VWA3B: variants seen among roughly 807,000 people sequenced by gnomAD.
VWA3B encodes the protein von Willebrand factor A domain-containing protein 3B.
Under a neutral mutation model 158.3 loss-of-function variants are expected in VWA3B, and 138 were observed. That is an observed-to-expected ratio of 0.87 (90% CI 0.76 to 1.00). The LOEUF (loss-of-function observed/expected upper bound fraction) is 1.00, where lower values mean the gene tolerates loss of function less well. Among genes scored for constraint, VWA3B ranks in the 50% least tolerant of loss-of-function variants. The pLI, the probability that VWA3B is intolerant of heterozygous loss-of-function variation, is 0.00. For missense variants in VWA3B, 1,555 were observed against 1,565.1 expected (o/e 0.99, Z 0.11); for synonymous variants, 596 against 587.3 (o/e 1.01, Z -0.21).
At chr2:98,200,814 T>C (rs903745325) in intron 12 of VWA3B, among the ~76,000 whole-genome samples, 1 of 152,240 alleles carries the variant, frequency 6.6e-6, no homozygotes, top group African/African-American at 2.4e-5. Context: ...CATTCTGTGT[T>C]TAAGAATAGG....
At chr2:98,329,142 A>T in the VWA3B span, among the ~76,000 whole-genome samples, 1 of 152,250 alleles carries the variant, frequency 6.6e-6, no homozygotes, top group African/African-American at 2.4e-5. Flanking sequence ...TATGGGGAAA[A>T]AATGACCATA....
intron 14 of VWA3B, among the ~76,000 whole-genome samples, chr2:98,225,610 A>G (rs975225170): frequency 2.0e-5 from 3 of 152,290 alleles, no homozygotes; most frequent in Admixed American, 2.0e-4. Flanking sequence ...ACAAGGCAAG[A>G]AAAGAAATAA....
intron 26 of VWA3B, among the ~76,000 whole-genome samples, chr2:98,308,655 T>C (rs1020060172): frequency 6.6e-6 from 1 of 152,234 alleles, no homozygotes; most frequent in African/African-American, 2.4e-5. Context: ...GGGAGGCACC[T>C]GGTGGGTCTG....
intron 21 of VWA3B, 152 bp downstream of exon 21, chr2:98,256,326 T>G (rs1687142955): frequency 2.3e-6 from 2 of 887,020 alleles, no homozygotes; most frequent in Non-Finnish European, 3.3e-6. Flanking sequence ...AACTTTTTCA[T>G]TACCCCAGAA....
intron 2 of VWA3B, among the ~76,000 whole-genome samples, chr2:98,114,879 A>G (rs1674406901): frequency 6.6e-6 from 1 of 152,190 alleles, no homozygotes; most frequent in African/African-American, 2.4e-5. Flanking sequence ...GCACCCAATA[A>G]GGGTTTATGC....
intron 21 of VWA3B, among the ~76,000 whole-genome samples, chr2:98,260,117 A>G (rs1321142279): frequency 1.3e-5 from 2 of 151,708 alleles, no homozygotes; most frequent in Non-Finnish European, 3.0e-5. Flanking sequence ...GACCATTTAA[A>G]TATCTTGAGA....
chr2:98,265,040 A>G (rs945074694), intron 21 of VWA3B, among the ~76,000 whole-genome samples: 1 of 151,778 alleles, frequency 6.6e-6, no homozygotes, highest in Admixed American at 6.6e-5. Flanking sequence ...CTATTTTTTT[A>G]TTTTTTATTT....
chr2:98,228,901 A>G (rs1466472345), intron 15 of VWA3B: 1 of 152,196 alleles, frequency 6.6e-6, no homozygotes, highest in Non-Finnish European at 1.5e-5. Context: ...ATGATTTAAT[A>G]TTTTCCAGAT....
chr2:98,295,456 A>C (rs919932027), intron 23 of VWA3B, among the ~76,000 whole-genome samples: 1 of 152,190 alleles, frequency 6.6e-6, no homozygotes, highest in African/African-American at 2.4e-5. Context: ...ATTTTTGCTG[A>C]AGGCCTCCAT....
At chr2:98,159,659 G>A (rs1352859550) in intron 7 of VWA3B, among the ~76,000 whole-genome samples, 1 of 152,120 alleles carries the variant, frequency 6.6e-6, no homozygotes, top group Non-Finnish European at 1.5e-5. Flanking sequence ...GACTCCATTA[G>A]GAACCGTATC....
At chr2:98,244,710 T>G (rs77328963) in intron 19 of VWA3B, among the ~76,000 whole-genome samples, 5,923 of 152,290 alleles carry the variant, frequency 0.039, 174 homozygotes, top group Middle Eastern at 0.075. Flanking sequence ...TATAAAGTTT[T>G]ATGAAGAGGA....
intron 2 of VWA3B, among the ~76,000 whole-genome samples, chr2:98,106,539 T>G (rs1051734696): frequency 2.6e-5 from 4 of 152,242 alleles, no homozygotes; most frequent in African/African-American, 9.6e-5. Flanking sequence ...TCTTTCCATT[T>G]ATTTACATAT....
chr2:98,119,494 G>C lies in VWA3B; in HGVS notation c.292-19G>C. On this transcript the variant is annotated intron_variant, in intron 3 of 27. Coordinates refer to ENST00000477737, the MANE Select transcript of VWA3B (RefSeq NM_144992.5). Reference sequence around the variant, plus strand: ...ATTTTGGTGTTGTTTTATTGTTTTTGTCTTTTATTTTCATTAAGCTGACAG... The same window carrying C: ...ATTTTGGTGTTGTTTTATTGTTTTTCTCTTTTATTTTCATTAAGCTGACAG... The C allele has an allele frequency of 6.2e-7, 1 of 1,610,914 alleles. No homozygotes were observed. The highest frequency in any genetic ancestry group is 8.5e-7 in the Non-Finnish European group (1 of 1,178,736).
chr2:98,240,693 T>C (rs1282179084), intron 19 of VWA3B, among the ~76,000 whole-genome samples: 1 of 152,182 alleles, frequency 6.6e-6, no homozygotes, highest in Non-Finnish European at 1.5e-5. Context: ...AGATCTTTAT[T>C]CAGCCTATTC....
intron 20 of VWA3B, 86 bp from the exon 21 acceptor site, chr2:98,256,038 G>T: frequency 6.9e-7 from 1 of 1,452,190 alleles, no homozygotes; most frequent in Non-Finnish European, 9.6e-7. Flanking sequence ...GCTTAGATGG[G>T]CTCCCACTGC....
intron 14 of VWA3B, among the ~76,000 whole-genome samples, chr2:98,225,825 C>T (rs1439508821): frequency 2.6e-5 from 4 of 152,006 alleles, no homozygotes; most frequent in Non-Finnish European, 5.9e-5. Context: ...ATTAAATACC[C>T]AATACCACTT....
chr2:98,254,772 G>A (rs1483337991), intron 20 of VWA3B, among the ~76,000 whole-genome samples: 2 of 152,196 alleles, frequency 1.3e-5, no homozygotes, highest in African/African-American at 2.4e-5. Flanking sequence ...GAAGCCGACT[G>A]AGCTTTGGGC....
intron 19 of VWA3B, among the ~76,000 whole-genome samples, chr2:98,248,611 T>C (rs1017820445): frequency 2.0e-5 from 3 of 152,154 alleles, no homozygotes; most frequent in African/African-American, 4.8e-5. Context: ...ACGTCAGGCA[T>C]TGAGCCTGAC....
intron 21 of VWA3B, among the ~76,000 whole-genome samples, chr2:98,259,542 G>C (rs1435875642): frequency 1.3e-5 from 2 of 151,656 alleles, no homozygotes; most frequent in Non-Finnish European, 3.0e-5. Flanking sequence ...ACTATTCATA[G>C]TATTCTCTAT....
Sources: allele counts gnomAD v4.1 joint callset (sites outside exome capture counted in the v4.1 genomes callset), GRCh38; gene constraint gnomAD v4.1.1; transcripts MANE v1.5; gene names NCBI Gene and HGNC (gene_info 2026-07-23, HGNC 2026-07-21).